Variants in RSRP1 observed in about 807,000 individuals in gnomAD.
The protein encoded by RSRP1 is arginine/serine-rich protein 1.
RSRP1 carries 37 observed loss-of-function variants against 33.0 expected under a neutral mutation model. The ratio of observed to expected loss-of-function variants is 1.12; its 90% CI spans 0.86 to 1.48. The LOEUF is 1.48. Among genes scored for constraint, RSRP1 ranks in the 40% most tolerant of loss-of-function variants. The pLI is 0.00. For synonymous variants in RSRP1, 167 were observed against 158.7 expected, an observed-to-expected ratio of 1.05 and a Z score of -0.40; for missense variants, 402 against 385.3, an observed-to-expected ratio of 1.04 and a Z score of -0.36.
At position 25,330,954 on chromosome 1, in the gene RSRP1, T is replaced by C. The variant is rs1229272959; in HGVS notation, c.-67+7024A>G. ...TTTTACACTTCTGGTGTCATCTTCC[T>C]TTTTTTTTTTTTTTTTTTTTTTTTT... On this transcript the variant is annotated intron_variant, in intron 1 of 1. Transcript: ENST00000561867. Among the ~76,000 whole-genome samples the C allele has an allele frequency of 6.7e-4, 3 of 4,488 alleles. 1 individual carries two copies. The highest frequency in any genetic ancestry group is 1.7e-3 in the African/African-American group (3 of 1,818). 2.9% of individuals were successfully genotyped at this position (4,488 alleles called of 152,430 possible). A position where few individuals can be genotyped will look rare whatever the true frequency, so the allele number is the denominator to read the frequency against.
rs1229855829 is a variant in RSRP1, at chr1:25,286,705, G to C, written c.-66-39676C>G. Among the ~76,000 whole-genome samples the C allele has an allele frequency of 1.5e-5, 2 of 133,734 alleles. 1 individual carries two copies. Among genetic ancestry groups the C allele is most frequent in the Non-Finnish European group, 3.5e-5 (2 of 56,708 alleles). 87.7% of individuals were successfully genotyped at this position (133,734 alleles called of 152,430 possible). Reference sequence around the variant, plus strand: ...GGAGGCTGAGGCAGGAGAATGGCGTGAACCCGGGAGGCGGAGTTTGCAGTG... The same window carrying C: ...GGAGGCTGAGGCAGGAGAATGGCGTCAACCCGGGAGGCGGAGTTTGCAGTG... On this transcript the variant is annotated intron_variant, in intron 1 of 1. Transcript: ENST00000561867.
intron 1 of RSRP1, among the ~76,000 whole-genome samples, chr1:25,302,495 A>G (rs1643465905): frequency 7.7e-6 from 1 of 129,674 alleles, no homozygotes. Context: ...GGTGACAGAA[A>G]GTCTAAGACA....
At chr1:25,279,820 G>A (rs1641317091) in intron 1 of RSRP1, among the ~76,000 whole-genome samples, 1 of 130,556 alleles carries the variant, frequency 7.7e-6, no homozygotes, top group Admixed American at 7.4e-5. Flanking sequence ...ATTCCCCTCT[G>A]GGTCCAGGCA....
chr1:25,331,653 C>T (rs183983536), intron 1 of RSRP1, among the ~76,000 whole-genome samples: 2,468 of 120,450 alleles, frequency 0.02, 306 homozygotes, highest in African/African-American at 0.066. Flanking sequence ...CTGAAACCTC[C>T]GCCTCCCAGG....
At chr1:25,261,141 G>A (rs547780607) in intron 1 of RSRP1, among the ~76,000 whole-genome samples, 4 of 152,014 alleles carry the variant, frequency 2.6e-5, no homozygotes, top group Non-Finnish European at 5.9e-5. Flanking sequence ...TTAGATTAGG[G>A]CTCCACCCTC....
intron 1 of RSRP1, among the ~76,000 whole-genome samples, chr1:25,296,483 G>A (rs2124660306): frequency 8.2e-6 from 1 of 122,052 alleles, no homozygotes; most frequent in East Asian, 2.0e-4. Context: ...GGCCTCAGTT[G>A]ATCCACCTGT....
At position 25,318,282 on chromosome 1, in the gene RSRP1, A is replaced by AC. The variant is rs1644513256; in HGVS notation, c.-67+19695_-67+19696insG. On this transcript the variant is annotated intron_variant, in intron 1 of 1. Transcript: ENST00000561867. ...GAGCCGAGACTCTGTCTAAAAAAAAAGAAAAAAAGAAAATACACATTCAGG... is the reference window on the plus strand; with the variant it reads ...GAGCCGAGACTCTGTCTAAAAAAAAACGAAAAAAAGAAAATACACATTCAGG... 1.5e-5 allele frequency: 2 copies of AC among 130,782 alleles called. 1 individual carries two copies. The highest frequency in any genetic ancestry group is 3.6e-5 in the Non-Finnish European group (2 of 55,124). The allele number at this position is 130,782 out of a possible 1,614,324, so 8.1% of individuals were successfully genotyped here.
At position 25,332,361 on chromosome 1, in the gene RSRP1, C is replaced by A. The variant is rs532104470; in HGVS notation, c.-67+5617G>T. Among the ~76,000 whole-genome samples, 8 of 131,958 alleles carry A rather than the reference C, an allele frequency of 6.1e-5. 2 individuals carry two copies. In the South Asian group the frequency reaches 1.9e-3, roughly 31 times the overall value. The allele number at this position is 131,958 out of a possible 152,430, so 86.6% of individuals were successfully genotyped here. On this transcript the variant is annotated intron_variant, in intron 1 of 1. Coordinates refer to the RSRP1 transcript ENST00000561867. ...CAAAAATGTGATTTCTTATTTCCCA[C>A]ATTGCCAATTCCATTTCAATTAACT...
In RSRP1 at chr1:25,309,320, G is replaced by C. The variant is rs1317071825; in HGVS notation, c.-67+28658C>G. On this transcript the variant is annotated intron_variant, in intron 1 of 1. Coordinates refer to the RSRP1 transcript ENST00000561867. ...TTTCAATTCTCAGTCCTTTGATTAC[G>C]TCAGGGAGAAAAGAAAGTCCCCACT... Among the ~76,000 whole-genome samples, 2 of 130,818 alleles carry C rather than the reference G, an allele frequency of 1.5e-5. 1 individual carries two copies. The highest frequency in any genetic ancestry group is 5.3e-5 in the African/African-American group (2 of 37,614). The allele number at this position is 130,818 out of a possible 152,430, so 85.8% of individuals were successfully genotyped here. A position where few individuals can be genotyped will look rare whatever the true frequency, so the allele number is the denominator to read the frequency against.
chr1:25,299,662 T>G (rs1571661142), intron 1 of RSRP1, among the ~76,000 whole-genome samples: 1 of 130,478 alleles, frequency 7.7e-6, no homozygotes, highest in Non-Finnish European at 1.8e-5. Context: ...TCCTGCAGGG[T>G]CGTGGCAAGA....
chr1:25,299,747 CATTTT>C lies in RSRP1; in HGVS notation c.-67+38226_-67+38230del, dbSNP rs200441944. On this transcript the variant is annotated intron_variant, in intron 1 of 1. Transcript: ENST00000561867. ...CAGAGGAGTAACATGATCTGACTTGCATTTTATTTTATTTATTTATTTGACGCAGT... is the reference window on the plus strand; with the variant it reads ...CAGAGGAGTAACATGATCTGACTTGCATTTTATTTATTTATTTGACGCAGT... Among the ~76,000 whole-genome samples the C allele has an allele frequency of 2.3e-4, 31 of 132,164 alleles. 1 individual carries two copies. The East Asian group carries it at 2.9e-3, about 13-fold the overall frequency. The allele number at this position is 132,164 out of a possible 152,430, so 86.7% of individuals were successfully genotyped here. A position where few individuals can be genotyped will look rare whatever the true frequency, so the allele number is the denominator to read the frequency against.
chr1:25,255,160 A>G (rs1304413333), intron 1 of RSRP1, among the ~76,000 whole-genome samples: 2 of 152,342 alleles, frequency 1.3e-5, no homozygotes, highest in South Asian at 2.1e-4. Context: ...GGGCAATGGA[A>G]TAACTGGAGA....
At chr1:25,267,482 G>A (rs1640343096) in intron 1 of RSRP1, among the ~76,000 whole-genome samples, 1 of 125,228 alleles carries the variant, frequency 8.0e-6, no homozygotes, top group Admixed American at 7.7e-5. Context: ...CGAGACTGGG[G>A]TCCACGGGAC....
Position 25,282,090 on chromosome 1 carries a change from T to G in RSRP1, c.-66-35061A>C, listed in dbSNP as rs182686860. 2.6e-4 allele frequency among the ~76,000 whole-genome samples: 35 copies of G among 132,098 alleles called. 9 individuals carry two copies. Among genetic ancestry groups the G allele is most frequent in the East Asian group, 1.6e-3 (8 of 5,138 alleles). 86.7% of individuals were successfully genotyped at this position (132,098 alleles called of 152,430 possible). A position where few individuals can be genotyped will look rare whatever the true frequency, so the allele number is the denominator to read the frequency against. ...TTATTGAGCGTTCTCCATGTGCCAG[T>G]CACTGTACTAAACATTATTTCCTTT... is the stretch of plus-strand genomic sequence containing the variant. On this transcript the variant is annotated intron_variant, in intron 1 of 1. Transcript: ENST00000561867.
chr1:25,244,655 A>G (rs1201745634), intron 3 of RSRP1: 7 of 1,222,246 alleles, frequency 5.7e-6, no homozygotes, highest in Non-Finnish European at 7.3e-6. Flanking sequence ...TAACGGTGTT[A>G]TAAGAGTACA....
intron 1 of RSRP1, among the ~76,000 whole-genome samples, chr1:25,291,982 AG>A (rs1430795901): frequency 7.5e-6 from 1 of 132,618 alleles, no homozygotes; most frequent in African/African-American, 2.6e-5. Flanking sequence ...CTGGCTTAGA[AG>A]AAAGTGCACT....
rs1214074355 is a variant in RSRP1 at position 25,333,203 on chromosome 1, A to G, written c.-67+4775T>C. Reference sequence around the variant, plus strand: ...CGGATGGTTCCCTCTTAGCCCATTCAGTCATATATCAATCTCTTCTGGAAA... The same window carrying G: ...CGGATGGTTCCCTCTTAGCCCATTCGGTCATATATCAATCTCTTCTGGAAA... On this transcript the variant is annotated intron_variant, in intron 1 of 1. Coordinates refer to the RSRP1 transcript ENST00000561867. Among the ~76,000 whole-genome samples the G allele has an allele frequency of 3.0e-5, 4 of 132,360 alleles. 1 individual carries two copies. Among genetic ancestry groups the G allele is most frequent in the African/African-American group, 1.0e-4 (4 of 38,624 alleles). 86.8% of individuals were successfully genotyped at this position (132,360 alleles called of 152,430 possible). A position where few individuals can be genotyped will look rare whatever the true frequency, so the allele number is the denominator to read the frequency against.
At chr1:25,296,641 G>T (rs1642983361) in intron 1 of RSRP1, among the ~76,000 whole-genome samples, 1 of 131,572 alleles carries the variant, frequency 7.6e-6, no homozygotes, top group South Asian at 2.3e-4. Flanking sequence ...CTCGTGGGAG[G>T]TGATTGGATC....
At chr1:25,279,769 C>T (rs1641314335) in intron 1 of RSRP1, among the ~76,000 whole-genome samples, 1 of 128,610 alleles carries the variant, frequency 7.8e-6, no homozygotes. Flanking sequence ...AGTCATGAGG[C>T]TTTCATAAAC....
Sources: allele counts gnomAD v4.1 joint callset (sites outside exome capture counted in the v4.1 genomes callset), GRCh38; gene constraint gnomAD v4.1.1; transcripts MANE v1.5; gene names NCBI Gene and HGNC (gene_info 2026-07-23, HGNC 2026-07-21).